The following BEND7 variants were observed in gnomAD, a reference collection of about 807,000 sequenced individuals.
BEND7 encodes BEN domain containing 7.
Under a neutral mutation model 50.9 loss-of-function variants are expected in BEND7, and 28 were observed. The observed-to-expected ratio is 0.55, with a 90% CI of 0.41 to 0.75. The LOEUF (loss-of-function observed/expected upper bound fraction) is 0.75, where lower values mean the gene tolerates loss of function less well. Ranked by LOEUF, BEND7 falls within the 30% of genes least tolerant of loss-of-function variation. The pLI, the probability that BEND7 is intolerant of heterozygous loss-of-function variation, is 0.00. For synonymous variants in BEND7, 170 were observed against 183.9 expected (o/e 0.92, Z 0.61); for missense variants, 477 against 491.3 (o/e 0.97, Z 0.28).
chr10:13,496,323 C>T (rs745402066), intron 4 of BEND7, among the ~76,000 whole-genome samples: 45 of 152,324 alleles, frequency 3.0e-4, no homozygotes, highest in Non-Finnish European at 4.4e-4. Flanking sequence ...TAAACAAAGA[C>T]GACAGAACAC....
In BEND7 at chr10:13,480,912, C is replaced by G. The variant is rs774483482; in HGVS notation, c.1050G>C (p.Val350=). 1 of 1,614,140 alleles carries G rather than the reference C, an allele frequency of 6.2e-7. No homozygotes were observed. Among genetic ancestry groups the G allele is most frequent in the South Asian group, 1.1e-5 (1 of 91,064 alleles). The part of the protein sequence containing the change: ...DNRKGLDQNI[V]GAIKVFTEKY... ...ATGCAGACCAACCTTTTATTGCACC[C>G]ACAATATTTTGGTCTAGTCCTTTCC... Residue 350 remains valine, a synonymous_variant, in exon 6 of 9, where the codon GTG becomes GTC. Transcript: ENST00000466271.
downstream of BEND7, chr10:13,439,217 G>A (rs764427213): frequency 1.5e-5 from 25 of 1,614,096 alleles, no homozygotes; most frequent in Non-Finnish European, 2.0e-5. Context: ...ACTTGGCTGA[G>A]CCTGGCGTGG....
chr10:13,526,274 A>G lies in BEND7; in HGVS notation c.62-53T>C, dbSNP rs886876315. 3.3e-6 allele frequency: 3 copies of G among 904,806 alleles called. No homozygotes were observed. The South Asian group carries it at 4.5e-5, about 14-fold the overall frequency. 56.0% of individuals were successfully genotyped at this position (904,806 alleles called of 1,614,324 possible). On this transcript the variant is annotated intron_variant, in intron 1 of 8. Coordinates refer to ENST00000466271, the MANE Select transcript of BEND7 (RefSeq NM_001369863.1). Reference sequence around the variant, plus strand: ...GAATCCTAAGGACCTCAAGATAGGAATAAGCAGTCAAGTCTAGAATCTCAT... The same window carrying G: ...GAATCCTAAGGACCTCAAGATAGGAGTAAGCAGTCAAGTCTAGAATCTCAT...
At chr10:13,465,415 C>T (rs945443436) in intron 6 of BEND7, among the ~76,000 whole-genome samples, 6 of 152,132 alleles carry the variant, frequency 3.9e-5, no homozygotes, top group Non-Finnish European at 7.3e-5. Context: ...AGCCGGCATG[C>T]GGGGCAGTCA....
chr10:13,522,178 A>T (rs975255940), intron 2 of BEND7, among the ~76,000 whole-genome samples: 18 of 152,268 alleles, frequency 1.2e-4, no homozygotes, highest in African/African-American at 4.1e-4. Flanking sequence ...ACAGATAAAC[A>T]TGTTTCCAAT....
chr10:13,451,018 T>C (rs2131006381), intron 7 of BEND7, among the ~76,000 whole-genome samples: 1 of 152,048 alleles, frequency 6.6e-6, no homozygotes, highest in Non-Finnish European at 1.5e-5. Context: ...CTTATAATAA[T>C]CGGTCTCAGC....
At chr10:13,490,521 C>A (rs919704928) in intron 5 of BEND7, among the ~76,000 whole-genome samples, 3 of 152,218 alleles carry the variant, frequency 2.0e-5, no homozygotes, top group Admixed American at 2.0e-4. Flanking sequence ...GCTCACTGCT[C>A]CTGTCTAGCC....
In BEND7 at chr10:13,447,331, C is replaced by G; in HGVS notation, c.1184-15G>C. On this transcript the variant is annotated splice_polypyrimidine_tract_variant and intron_variant, in intron 7 of 8. Coordinates refer to ENST00000466271, the MANE Select transcript of BEND7 (RefSeq NM_001369863.1). ...GTCCGCGATCTCTGCTGGTTACAAA[C>G]ATAAGACACAAATCTCATTAGTTCC... is the stretch of plus-strand genomic sequence containing the variant. The G allele has an allele frequency of 6.2e-7, 1 of 1,613,942 alleles. No homozygotes were observed. The highest frequency in any genetic ancestry group is 8.5e-7 in the Non-Finnish European group (1 of 1,179,886).
At position 13,441,353 on chromosome 10, in the gene BEND7, A is replaced by T. The variant is rs1252796169; in HGVS notation, c.*390T>A. The T allele has an allele frequency of 9.7e-7, 1 of 1,031,490 alleles. No homozygotes were observed. The highest frequency in any genetic ancestry group is 1.2e-6 in the Non-Finnish European group (1 of 860,882). The allele number at this position is 1,031,490 out of a possible 1,614,324, so 63.9% of individuals were successfully genotyped here. ...GGTTTCTGAATAAAGACTGAACAGTAGTCACAGTAAGTAAACACAATTTTA... is the reference window on the plus strand; with the variant it reads ...GGTTTCTGAATAAAGACTGAACAGTTGTCACAGTAAGTAAACACAATTTTA... On this transcript the variant is annotated 3_prime_UTR_variant, in exon 9 of 9. Coordinates refer to ENST00000466271, the MANE Select transcript of BEND7 (RefSeq NM_001369863.1).
At chr10:13,461,621 T>C (rs60930461) in intron 6 of BEND7, among the ~76,000 whole-genome samples, 2,239 of 152,038 alleles carry the variant, frequency 0.015, 43 homozygotes, top group South Asian at 0.044. Context: ...TAATCTCAGC[T>C]ACTTGGGAGG....
At chr10:13,447,578 CTG>C (rs1836667686) in intron 7 of BEND7, among the ~76,000 whole-genome samples, 1 of 117,084 alleles carries the variant, frequency 8.5e-6, no homozygotes, top group African/African-American at 3.4e-5. Context: ...GAGTCTCGCT[CTG>C]TCGCCCAGGC....
chr10:13,496,636 A>T, intron 4 of BEND7, 130 bp downstream of exon 4: 1 of 1,115,198 alleles, frequency 9.0e-7, no homozygotes, highest in Non-Finnish European at 1.3e-6. Flanking sequence ...AAAAACAGAT[A>T]CTTGAAAAGG....
At position 13,492,888 on chromosome 10, in the gene BEND7, A is replaced by C. The variant is rs1457142527; in HGVS notation, c.572-12T>G. ...GTTTTGAGTTCCAACTGCGAATAAT[A>C]AACAAAAATATGGTACAGGCACGTG... On this transcript the variant is annotated splice_polypyrimidine_tract_variant and intron_variant, in intron 4 of 8. Coordinates refer to ENST00000466271, the MANE Select transcript of BEND7 (RefSeq NM_001369863.1). The C allele has an allele frequency of 3.1e-6, 5 of 1,593,086 alleles. No individual in the cohort carries two copies. The East Asian group carries it at 1.1e-4, about 36-fold the overall frequency.
intron 2 of BEND7, among the ~76,000 whole-genome samples, chr10:13,518,992 G>T (rs771674813): frequency 6.6e-6 from 1 of 152,166 alleles, no homozygotes; most frequent in African/African-American, 2.4e-5. Context: ...CATTAGGAGC[G>T]ATTAGGAGAG....
intron 2 of BEND7, among the ~76,000 whole-genome samples, chr10:13,522,905 C>G (rs993237177): frequency 6.6e-6 from 1 of 152,224 alleles, no homozygotes; most frequent in Admixed American, 6.5e-5. Context: ...CTCATACAGA[C>G]ATGCTGCAAA....
chr10:13,516,328 G>C (rs1180858482), intron 2 of BEND7, among the ~76,000 whole-genome samples: 3 of 152,232 alleles, frequency 2.0e-5, no homozygotes, highest in African/African-American at 7.2e-5. Context: ...TGCCATGTGA[G>C]TCTGCGAGGC....
chr10:13,494,255 A>G (rs920401007), intron 4 of BEND7, among the ~76,000 whole-genome samples: 1 of 152,108 alleles, frequency 6.6e-6, no homozygotes, highest in African/African-American at 2.4e-5. Flanking sequence ...CGTCTCTACT[A>G]AAAATACAAA....
At chr10:13,440,630 G>A (rs1440889583), downstream of BEND7, among the ~76,000 whole-genome samples, 1 of 152,254 alleles carries the variant, frequency 6.6e-6, no homozygotes, top group Non-Finnish European at 1.5e-5. Context: ...GCGGCGGGGG[G>A]CAGGTGCCCG....
At chr10:13,523,229 C>T (rs1403235650) in intron 2 of BEND7, among the ~76,000 whole-genome samples, 1 of 152,218 alleles carries the variant, frequency 6.6e-6, no homozygotes, top group Non-Finnish European at 1.5e-5. Flanking sequence ...AGTCCCATCA[C>T]AGCCAGCTTG....
Sources: gnomAD v4.1 joint callset for allele counts (sites outside exome capture counted in the v4.1 genomes callset) on GRCh38, gnomAD v4.1.1 for gene constraint, MANE v1.5 for transcripts, NCBI Gene and HGNC (gene_info 2026-07-23, HGNC 2026-07-21) for gene names.